The following TIAM1 variants were observed in gnomAD, a reference collection of about 807,000 sequenced individuals.
TIAM1 encodes rho guanine nucleotide exchange factor TIAM1.
A neutral mutation model predicts 163.5 loss-of-function variants in TIAM1; 65 were observed. That is an observed-to-expected ratio of 0.40 (90% confidence interval 0.33 to 0.49). TIAM1 has a LOEUF of 0.49. Among genes scored for constraint, TIAM1 ranks in the 20% least tolerant of loss-of-function variants. TIAM1 has a pLI of 0.77. For synonymous variants in TIAM1, 833 were observed against 810.1 expected, an observed-to-expected ratio of 1.03 and a Z score of -0.48; for missense variants, 1,789 against 2,044.7, an observed-to-expected ratio of 0.87 and a Z score of 2.41.
intron 16 of TIAM1, among the ~76,000 whole-genome samples, chr21:31,164,539 CT>C (rs2084113914): frequency 6.6e-6 from 1 of 152,074 alleles, no homozygotes; most frequent in African/African-American, 2.4e-5. Context: ...AAGTTGCTCA[CT>C]TTTAACAAGA....
chr21:31,141,125 T>C lies in TIAM1; in HGVS notation c.3767A>G (p.Lys1256Arg), dbSNP rs2082827715. ...GAAGATGGGGACCCTCACCTCTTTT[T>C]TCTCACCAGTCTGTTCAGCAATCAG... ...DQLIAEQTGEKKEVADLSMGD... is the reference protein window; with the variant it reads ...DQLIAEQTGERKEVADLSMGD... The change falls in exon 22 of 28, where the codon AAA becomes AGA. Residue 1256 changes from lysine to arginine, a missense_variant. By Grantham distance (26) the Lys-to-Arg change is conservative. This residue lies in a region of TIAM1 where 415 missense variants were observed against 439.2 expected (regional missense o/e 0.94). Coordinates refer to ENST00000541036, the MANE Select transcript of TIAM1 (RefSeq NM_001353694.2). This position sits in a 1 kb window ranked among gnomAD's most constrained non-coding sequence, Gnocchi z 4.7. The C allele has an allele frequency of 6.2e-7, 1 of 1,612,752 alleles. No homozygotes were observed. Among genetic ancestry groups the C allele is most frequent in the African/African-American group, 1.3e-5 (1 of 74,880 alleles).
intron 2 of TIAM1, among the ~76,000 whole-genome samples, chr21:31,436,676 G>C (rs141384208): frequency 2.6e-5 from 4 of 151,746 alleles, no homozygotes; most frequent in Non-Finnish European, 5.9e-5. Context: ...AAAAAATATA[G>C]GCCAGGAGCA....
chr21:31,139,332 C>T (rs1025627280), intron 22 of TIAM1, among the ~76,000 whole-genome samples: 1 of 152,024 alleles, frequency 6.6e-6, no homozygotes, highest in Non-Finnish European at 1.5e-5. Flanking sequence ...CAGTAAAATG[C>T]ACTTCTGTCA....
chr21:31,200,008 T>C (rs1257903398), intron 12 of TIAM1, among the ~76,000 whole-genome samples: 2 of 152,112 alleles, frequency 1.3e-5, no homozygotes, highest in African/African-American at 4.8e-5. Context: ...CCCCAACTTC[T>C]TGTCTCTCCA....
rs184673367 is a variant in TIAM1, at chr21:31,142,054, A to T, written c.3476-550T>A. Among the ~76,000 whole-genome samples, 713 of 152,122 alleles carry T rather than the reference A, an allele frequency of 4.7e-3. 5 individuals carry two copies. The highest frequency in any genetic ancestry group is 0.016 in the African/African-American group (680 of 41,502). On this transcript the variant is annotated intron_variant, in intron 20 of 27. Coordinates refer to ENST00000541036, the MANE Select transcript of TIAM1 (RefSeq NM_001353694.2). ...GTGCACCACAGAGCCCGGCCTCCCC[A>T]GTTCCTTCCCTCAGAAACCCCAAGA...
At chr21:31,490,561 C>A (rs960277927) in intron 1 of TIAM1, among the ~76,000 whole-genome samples, 1 of 152,122 alleles carries the variant, frequency 6.6e-6, no homozygotes, top group Non-Finnish European at 1.5e-5. Context: ...CTCAGGGAAC[C>A]GCCGCTGCCC....
intron 2 of TIAM1, among the ~76,000 whole-genome samples, chr21:31,391,937 C>T (rs1439680491): frequency 6.6e-6 from 1 of 152,122 alleles, no homozygotes; most frequent in Non-Finnish European, 1.5e-5. Flanking sequence ...ACTTTAAGTA[C>T]CCATACGCCC....
rs1475697746 is a variant in TIAM1 at position 31,210,727 on chromosome 21, AAG to A, written c.2218-514_2218-513del. Among the ~76,000 whole-genome samples, 184 of 109,274 alleles carry A rather than the reference AAG, an allele frequency of 1.7e-3. 5 individuals carry two copies. The highest frequency in any genetic ancestry group is 8.3e-3 in the East Asian group (26 of 3,148). 71.7% of individuals were successfully genotyped at this position (109,274 alleles called of 152,430 possible). A position where few individuals can be genotyped will look rare whatever the true frequency, so the allele number is the denominator to read the frequency against. On this transcript the variant is annotated intron_variant, in intron 10 of 27. Transcript: ENST00000541036. Reference sequence around the variant, plus strand: ...AAAGAGAAAGAAAGAGAAAGAAAGAAAGAGAAAGAAGGAAGGAAGGGAGAAAG... The same window carrying A: ...AAAGAGAAAGAAAGAGAAAGAAAGAAAGAAAGAAGGAAGGAAGGGAGAAAG...
chr21:31,470,641 G>A (rs544491931), intron 1 of TIAM1, among the ~76,000 whole-genome samples: 10 of 152,180 alleles, frequency 6.6e-5, no homozygotes, highest in South Asian at 4.2e-4. Flanking sequence ...CTAAAACCTC[G>A]AATTTTCTAC....
At chr21:31,458,148 G>A (rs1040361956) in intron 2 of TIAM1, among the ~76,000 whole-genome samples, 7 of 152,116 alleles carry the variant, frequency 4.6e-5, no homozygotes, top group African/African-American at 7.2e-5. Context: ...GGCCGGGTGC[G>A]GGGGCTCACG....
At chr21:31,228,204 C>G (rs1284224031) in intron 6 of TIAM1, among the ~76,000 whole-genome samples, 4 of 31,588 alleles carry the variant, frequency 1.3e-4, no homozygotes, top group African/African-American at 5.7e-4. Context: ...AGCCACCATG[C>G]CCGGCCTCCT....
At chr21:31,196,095 T>C (rs7284053) in intron 12 of TIAM1, among the ~76,000 whole-genome samples, 26,620 of 151,904 alleles carry the variant, frequency 0.18, 3,415 homozygotes, top group East Asian at 0.4. Flanking sequence ...CATCAAAAAA[T>C]GGGCAAAAGA....
In TIAM1 at chr21:31,383,069, G is replaced by A. The variant is rs922502827; in HGVS notation, c.-368-43647C>T. Among the ~76,000 whole-genome samples the A allele has an allele frequency of 4.6e-5, 7 of 151,930 alleles. No individual in the cohort carries two copies. In the East Asian group the frequency reaches 5.8e-4, roughly 13 times the overall value. On this transcript the variant is annotated intron_variant, in intron 2 of 28. Coordinates refer to the TIAM1 transcript ENST00000286827. ...AACCTGGCCAACATGGTGAAACCCCGTCTCTACTAAAACTATGAAAATTAG... is the reference window on the plus strand; with the variant it reads ...AACCTGGCCAACATGGTGAAACCCCATCTCTACTAAAACTATGAAAATTAG...
chr21:31,239,179 A>G (rs963072712), intron 6 of TIAM1, among the ~76,000 whole-genome samples: 8 of 152,088 alleles, frequency 5.3e-5, no homozygotes, highest in South Asian at 2.1e-4. Context: ...CTGGAATGCA[A>G]TGGTGCAACC....
chr21:31,401,308 T>C lies in TIAM1; in HGVS notation c.-368-61886A>G, dbSNP rs115394290. Among the ~76,000 whole-genome samples, 584 of 152,336 alleles carry C rather than the reference T, an allele frequency of 3.8e-3. 3 individuals carry two copies. Among genetic ancestry groups the C allele is most frequent in the African/African-American group, 0.013 (547 of 41,574 alleles). ...TGTTAGTAACCAGCTCTTCATCAGCTACAGATAGACTCCAGCACTTCTGTA... is the reference window on the plus strand; with the variant it reads ...TGTTAGTAACCAGCTCTTCATCAGCCACAGATAGACTCCAGCACTTCTGTA... On this transcript the variant is annotated intron_variant, in intron 2 of 28. Transcript: ENST00000286827.
At chr21:31,547,920 C>G (rs551250731) in intron 1 of TIAM1, among the ~76,000 whole-genome samples, 103 of 152,222 alleles carry the variant, frequency 6.8e-4, no homozygotes, top group African/African-American at 2.4e-3. Context: ...TGCTCAAGCA[C>G]ACAAAAGCCC....
At chr21:31,381,906 G>C (rs1471399970) in intron 2 of TIAM1, among the ~76,000 whole-genome samples, 1 of 152,178 alleles carries the variant, frequency 6.6e-6, no homozygotes, top group Non-Finnish European at 1.5e-5. Flanking sequence ...TATAGAGAGA[G>C]GCTGTCTTCA....
intron 19 of TIAM1, among the ~76,000 whole-genome samples, 162 bp downstream of exon 19, chr21:31,152,474 C>T (rs2083424152): frequency 6.6e-6 from 1 of 152,240 alleles, no homozygotes; most frequent in Non-Finnish European, 1.5e-5. Context: ...CATTGGGCTT[C>T]CCTTAGCCAG....
rs2071846786 is a variant in TIAM1, at chr21:31,252,132, T to C, written c.1021A>G (p.Thr341Ala). The C allele has an allele frequency of 6.2e-7, 1 of 1,612,244 alleles. No homozygotes were observed. The highest frequency in any genetic ancestry group is 1.1e-5 in the South Asian group (1 of 91,084). ...FADSGIEGAT[T>A]DTDLLSRRSN... ...CGCCTGGACAGGAGGTCCGTGTCGG[T>C]AGTGGCCCCTTCAATCCCACTGTCT... Residue 341 changes from threonine to alanine, a missense_variant, in exon 5 of 28, where the codon ACC becomes GCC. Physicochemically the swap from Thr to Ala is moderately conservative, Grantham distance 58. Around this residue, in one of 5 missense-constraint regions of TIAM1, gnomAD observed 555 missense variants for 564.9 expected, o/e 0.98. Transcript: ENST00000541036.
Sources: gnomAD v4.1 joint callset for allele counts (sites outside exome capture counted in the v4.1 genomes callset) on GRCh38, gnomAD v4.1.1 for gene constraint, gnomAD v4.1.1 regional missense constraint, Gnocchi (gnomAD v3.1) non-coding constraint, MANE v1.5 for transcripts, NCBI Gene and HGNC (gene_info 2026-07-23, HGNC 2026-07-21) for gene names.